Variants in CSMD1 observed in about 807,000 individuals in gnomAD.
The protein encoded by CSMD1 is CUB and sushi domain-containing protein 1.
In CSMD1, 213 loss-of-function variants were observed where a neutral mutation model predicts 417.5. That is an observed-to-expected ratio of 0.51 (90% CI 0.46 to 0.57). CSMD1 has a LOEUF of 0.57. CSMD1 is among the 20% of genes least tolerant of loss of function. The probability of loss-of-function intolerance (pLI) is 0.00; values close to 1 mark genes in which losing one functional copy is unlikely to be tolerated. For synonymous variants in CSMD1, 2,862 were observed against 1,736.8 expected (o/e 1.65, Z -16.11); for missense variants, 6,923 against 4,529.7 (o/e 1.53, Z -15.17).
At chr8:4,452,351 C>G (rs867718263) in intron 2 of CSMD1, among the ~76,000 whole-genome samples, 1 of 152,168 alleles carries the variant, frequency 6.6e-6, no homozygotes, top group Non-Finnish European at 1.5e-5. Context: ...ACAAATTCCA[C>G]TGGGGTGACA....
At chr8:4,093,630 A>T (rs1000976405) in intron 3 of CSMD1, among the ~76,000 whole-genome samples, 1 of 152,298 alleles carries the variant, frequency 6.6e-6, no homozygotes, top group East Asian at 1.9e-4. Context: ...ATTTAAGCCA[A>T]CTATGATTGA....
intron 3 of CSMD1, among the ~76,000 whole-genome samples, chr8:4,144,184 C>G (rs1315063791): frequency 6.6e-6 from 1 of 151,014 alleles, no homozygotes; most frequent in Non-Finnish European, 1.5e-5. Context: ...ACGAATTGGC[C>G]TTAGACCTCC....
chr8:3,986,765 C>T (rs75328536), intron 5 of CSMD1, among the ~76,000 whole-genome samples: 3 of 150,798 alleles, frequency 2.0e-5, no homozygotes, highest in Admixed American at 6.6e-5. Context: ...AGTGATTTTT[C>T]TTTTTTTTTA....
At chr8:3,158,054 T>C (rs1305540790) in intron 38 of CSMD1, 88 bp from the exon 39 acceptor site, 3 of 1,095,286 alleles carry the variant, frequency 2.7e-6, no homozygotes, top group East Asian at 2.6e-5. Flanking sequence ...CATTTTTTCC[T>C]TTCTTGTTTT....
At position 2,999,984 on chromosome 8, in the gene CSMD1, C is replaced by G; in HGVS notation, c.8177G>C (p.Trp2726Ser). ...SVRICLQDHK[W>S]SGQTPVCVPI... ...GACACAGACAGGCGTTTGTCCAGAC[C>G]ACTTGTGGTCTTGCAGGCATATCCT... Residue 2726 changes from tryptophan (W) to serine (S), a missense_variant, in exon 53 of 70, where the codon TGG becomes TCG. By Grantham distance (177) the Trp-to-Ser change is radical. Coordinates refer to ENST00000635120, the MANE Select transcript of CSMD1 (RefSeq NM_033225.6). 1 of 1,609,352 alleles carries G rather than the reference C, an allele frequency of 6.2e-7. No individual in the cohort carries two copies. Among genetic ancestry groups the G allele is most frequent in the Non-Finnish European group, 8.5e-7 (1 of 1,178,846 alleles).
intron 3 of CSMD1, among the ~76,000 whole-genome samples, chr8:4,306,124 T>G (rs527970362): frequency 6.6e-6 from 1 of 152,344 alleles, no homozygotes; most frequent in South Asian, 2.1e-4. Flanking sequence ...TAGTTGGTAA[T>G]GAATAGTCTG....
At chr8:3,772,405 A>ACATATATT (rs1798638168) in intron 5 of CSMD1, among the ~76,000 whole-genome samples, 2 of 58,372 alleles carry the variant, frequency 3.4e-5, no homozygotes, top group African/African-American at 1.9e-4. Context: ...ACACATATAT[A>ACATATATT]CATATATTTA....
rs2552153 is a variant in CSMD1 at position 4,085,926 on chromosome 8, G to T, written c.416-53827C>A. Among the ~76,000 whole-genome samples the T allele has an allele frequency of 7.1e-3, 1,076 of 152,170 alleles. 11 individuals are homozygous for T. Among genetic ancestry groups the T allele is most frequent in the African/African-American group, 0.025 (1,037 of 41,494 alleles). On this transcript the variant is annotated intron_variant, in intron 3 of 69. Coordinates refer to ENST00000635120, the MANE Select transcript of CSMD1 (RefSeq NM_033225.6). ...TGTTACCATTGCGTAAGGATGGAAG[G>T]GGGCTCTGTATTATTTCTTACAAGT...
At chr8:3,036,656 G>C (rs942704618) in intron 50 of CSMD1, among the ~76,000 whole-genome samples, 3 of 152,078 alleles carry the variant, frequency 2.0e-5, no homozygotes, top group African/African-American at 7.2e-5. Context: ...TAAATAACAA[G>C]ACAACTTTGG....
At chr8:4,364,351 T>A (rs1343370725) in intron 3 of CSMD1, among the ~76,000 whole-genome samples, 1 of 152,142 alleles carries the variant, frequency 6.6e-6, no homozygotes, top group Non-Finnish European at 1.5e-5. Context: ...AAATCTTACC[T>A]AAGAAAACAG....
At chr8:3,777,261 T>C (rs1051962805) in intron 5 of CSMD1, among the ~76,000 whole-genome samples, 1 of 152,066 alleles carries the variant, frequency 6.6e-6, no homozygotes, top group Non-Finnish European at 1.5e-5. Flanking sequence ...GTTTGTCTGC[T>C]TGATTTCTGC....
intron 5 of CSMD1, among the ~76,000 whole-genome samples, chr8:3,848,772 A>G (rs2129098584): frequency 6.6e-6 from 1 of 152,258 alleles, no homozygotes; most frequent in Non-Finnish European, 1.5e-5. Context: ...TAATTGTCAA[A>G]TATTTAGTAC....
chr8:3,954,661 C>T (rs770870569), intron 5 of CSMD1, among the ~76,000 whole-genome samples: 7 of 152,232 alleles, frequency 4.6e-5, no homozygotes, highest in Non-Finnish European at 8.8e-5. Context: ...CGCACCTGGC[C>T]GGATCCCAGG....
intron 2 of CSMD1, among the ~76,000 whole-genome samples, chr8:4,425,375 G>A (rs1246947893): frequency 1.9e-5 from 2 of 107,356 alleles, no homozygotes; most frequent in African/African-American, 8.2e-5. Flanking sequence ...TCTTATTTGT[G>A]TGCCAAAAAA....
chr8:3,899,998 T>G (rs1422396080), intron 5 of CSMD1, among the ~76,000 whole-genome samples: 1 of 152,224 alleles, frequency 6.6e-6, no homozygotes, highest in Non-Finnish European at 1.5e-5. Flanking sequence ...CTACAGCTGG[T>G]TGACAATGCA....
intron 2 of CSMD1, among the ~76,000 whole-genome samples, chr8:4,521,336 T>C (rs1266521592): frequency 6.6e-6 from 1 of 152,066 alleles, no homozygotes; most frequent in African/African-American, 2.4e-5. Flanking sequence ...GAAGATGAGC[T>C]GGGAAGCCTT....
intron 1 of CSMD1, among the ~76,000 whole-genome samples, chr8:4,669,942 A>C (rs541181039): frequency 2.0e-4 from 30 of 152,254 alleles, no homozygotes; most frequent in Non-Finnish European, 3.5e-4. Flanking sequence ...GAAAGTCATG[A>C]GTTTCATGTT....
At chr8:3,739,436 T>C (rs768646224) in intron 6 of CSMD1, among the ~76,000 whole-genome samples, 1 of 152,216 alleles carries the variant, frequency 6.6e-6, no homozygotes, top group Non-Finnish European at 1.5e-5. Context: ...ATAATAAATG[T>C]TTGAAGTGAT....
At chr8:4,960,640 T>A (rs1306881433) in intron 1 of CSMD1, among the ~76,000 whole-genome samples, 1 of 152,162 alleles carries the variant, frequency 6.6e-6, no homozygotes, top group African/African-American at 2.4e-5. Context: ...TACATCCATA[T>A]ATCCATACAT....
Sources: allele counts gnomAD v4.1 joint callset (sites outside exome capture counted in the v4.1 genomes callset), GRCh38; gene constraint gnomAD v4.1.1; transcripts MANE v1.5; gene names NCBI Gene and HGNC (gene_info 2026-07-23, HGNC 2026-07-21).